Variants in ZNF132 observed in about 807,000 individuals in gnomAD.
The protein encoded by ZNF132 is zinc finger protein 132 (clone pHZ-12).
In ZNF132, 6 loss-of-function variants were observed where a neutral mutation model predicts 9.3. The ratio of observed to expected loss-of-function variants is 0.65; its 90% CI spans 0.35 to 1.28. The LOEUF (loss-of-function observed/expected upper bound fraction) is 1.28, where lower values mean the gene tolerates loss of function less well. Among genes scored for constraint, ZNF132 ranks in the 50% most tolerant of loss-of-function variants. ZNF132 has a pLI of 0.03. For synonymous variants in ZNF132, 296 were observed against 292.0 expected (o/e 1.01, Z -0.14); for missense variants, 877 against 843.2 (o/e 1.04, Z -0.50).
At chr19:58,437,731 A>G in intron 1 of ZNF132, 3 of 985,400 alleles carry the variant, frequency 3.0e-6, no homozygotes, top group Non-Finnish European at 3.6e-6. Context: ...CATACCTGAC[A>G]GATGCAACCG....
intron 2 of ZNF132, 85 bp downstream of exon 2, chr19:58,436,962 T>C (rs1299408873): frequency 1.9e-6 from 3 of 1,588,512 alleles, no homozygotes; most frequent in East Asian, 4.5e-5. Flanking sequence ...GTACCCATGA[T>C]CTGGCTTTGG....
rs1277514107 is a variant in ZNF132, at chr19:58,439,936, G to T, written c.-115C>A. ...TGCAAAATGCGCGCAAGGCCTCTGG[G>T]CACCGCAGGGACGAAGGCTGGGTAT... On this transcript the variant is annotated 5_prime_UTR_variant, in exon 1 of 3. An upstream open reading frame in the 5' UTR gains an earlier in-frame stop. Transcript: ENST00000254166. The T allele has an allele frequency of 3.7e-6, 4 of 1,095,440 alleles. No individual in the cohort carries two copies. Among genetic ancestry groups the T allele is most frequent in the Non-Finnish European group, 3.9e-6 (3 of 765,830 alleles). 67.9% of individuals were successfully genotyped at this position (1,095,440 alleles called of 1,614,324 possible).
rs2052755679 is a variant in ZNF132, at chr19:58,433,686, G to A, written c.1758C>T (p.Leu586=). ...CAGTATGAACTTTCTGATGCTTAAT[G>A]AGAATGGAGTTTTGGCTAAAGAATT... The part of the protein sequence containing the change: ...CGKFFSQNSI[L]IKHQKVHTGE... Residue 586 remains leucine (L), a synonymous_variant, in exon 3 of 3, where the codon CTC becomes CTT. Transcript: ENST00000254166. 1 of 1,610,186 alleles carries A rather than the reference G, an allele frequency of 6.2e-7. No individual in the cohort carries two copies. Among genetic ancestry groups the A allele is most frequent in the Non-Finnish European group, 8.5e-7 (1 of 1,176,514 alleles).
At position 58,432,984 on chromosome 19, in the gene ZNF132, G is replaced by T; in HGVS notation, c.*339C>A. 5.3e-6 allele frequency: 1 copy of T among 190,244 alleles called. No homozygotes were observed. The allele number at this position is 190,244 out of a possible 1,614,324, so 11.8% of individuals were successfully genotyped here. On this transcript the variant is annotated 3_prime_UTR_variant, in exon 3 of 3. Transcript: ENST00000254166. ...TGAGCTCAAATTAGATTTCCCTCAA[G>T]GCCCCTCAACCAGCATCGGTTCAGC...
In ZNF132 at chr19:58,435,080, A is replaced by G. The variant is rs778861646; in HGVS notation, c.364T>C (p.Phe122Leu). The G allele has an allele frequency of 4.3e-6, 7 of 1,614,012 alleles. No homozygotes were observed. The highest frequency in any genetic ancestry group is 5.1e-6 in the Non-Finnish European group (6 of 1,180,030). The stretch of plus-strand genomic sequence containing the variant: ...GCCAGGTGCAAAATGTCTTTCAAGA[A>G]TGGCCCACACATGTCACAGGAGTTA... ...KANSCDMCGPFLKDILHLAEH... is the reference protein window; with the variant it reads ...KANSCDMCGPLLKDILHLAEH... The change falls in exon 3 of 3, where the codon TTC becomes CTC. Residue 122 changes from phenylalanine (F) to leucine (L), a missense_variant. Phe to Leu is a conservative substitution (Grantham distance 22). Transcript: ENST00000254166.
rs1248313187 is a variant in ZNF132, at chr19:58,436,573, CAGG to C, written c.232+471_232+473del. 2.1e-5 allele frequency among the ~76,000 whole-genome samples: 3 copies of C among 142,012 alleles called. No individual in the cohort carries two copies. The Admixed American group carries it at 2.4e-4, about 11-fold the overall frequency. The allele number at this position is 142,012 out of a possible 152,430, so 93.2% of individuals were successfully genotyped here. On this transcript the variant is annotated intron_variant, in intron 2 of 2. Coordinates refer to ENST00000254166, the MANE Select transcript of ZNF132 (RefSeq NM_003433.4). Reference sequence around the variant, plus strand: ...GTCCCAGCTACTTGGGAGGCTGAGGCAGGAGAATGGCGTGAACCTGGGAGGCAG... The same window carrying C: ...GTCCCAGCTACTTGGGAGGCTGAGGCAGAATGGCGTGAACCTGGGAGGCAG...
In ZNF132 at chr19:58,433,799, C is replaced by T. The variant is rs980444051; in HGVS notation, c.1645G>A (p.Gly549Arg). The T allele has an allele frequency of 2.7e-5, 43 of 1,614,076 alleles. No individual in the cohort carries two copies. The highest frequency in any genetic ancestry group is 3.6e-5 in the Non-Finnish European group (42 of 1,180,042). ...GTGGAGCTGTGAGCAAAGGCTTTCC[C>T]ACACTCACTACACTCGTAAGGCTTT... ...GEKPYECSEC[G>R]KAFAHSSTLI... is the part of the protein sequence containing the mutation. The change falls in exon 3 of 3, where the codon GGG becomes AGG. Residue 549 changes from glycine to arginine, a missense_variant. By Grantham distance (125) the Gly-to-Arg change is moderately radical. Coordinates refer to ENST00000254166, the MANE Select transcript of ZNF132 (RefSeq NM_003433.4).
At chr19:58,438,647 G>A (rs2052785849) in intron 1 of ZNF132, among the ~76,000 whole-genome samples, 2 of 151,636 alleles carry the variant, frequency 1.3e-5, no homozygotes, top group South Asian at 4.2e-4. Context: ...CTAATTTTTT[G>A]TATTTTTAGT....
chr19:58,433,000 T>G lies in ZNF132; in HGVS notation c.*323A>C. 5 of 327,560 alleles carry G rather than the reference T, an allele frequency of 1.5e-5. No homozygotes were observed. Among genetic ancestry groups the G allele is most frequent in the South Asian group, 6.7e-5 (1 of 14,930 alleles). The allele number at this position is 327,560 out of a possible 1,614,324, so 20.3% of individuals were successfully genotyped here. On this transcript the variant is annotated 3_prime_UTR_variant, in exon 3 of 3. Transcript: ENST00000254166. ...TTCCCTCAAGGCCCCTCAACCAGCA[T>G]CGGTTCAGCTGAGCACAGTCCTGAA...
chr19:58,435,186 CT>C lies in ZNF132; in HGVS notation c.257del (p.Glu86GlyfsTer11). ...SLGSWHGVEG[E>X]GAHPKQNVSV... The stretch of plus-strand genomic sequence containing the variant: ...AAACATTCTGCTTGGGATGGGCCCC[CT>C]CACCCTCTACTCCATGCCAAGAACC... On this transcript the variant is annotated frameshift_variant, in exon 3 of 3. Coordinates refer to ENST00000254166, the MANE Select transcript of ZNF132 (RefSeq NM_003433.4). LOFTEE classifies it low-confidence loss of function (END_TRUNC). 1 of 1,613,572 alleles carries C rather than the reference CT, an allele frequency of 6.2e-7. No homozygotes were observed. Among genetic ancestry groups the C allele is most frequent in the Non-Finnish European group, 8.5e-7 (1 of 1,179,708 alleles).
Position 58,433,689 on chromosome 19 carries a change from A to G in ZNF132, c.1755T>C (p.Ile585=). The G allele has an allele frequency of 1.2e-6, 2 of 1,609,978 alleles. No homozygotes were observed. Among genetic ancestry groups the G allele is most frequent in the Non-Finnish European group, 1.7e-6 (2 of 1,176,434 alleles). Residue 585 remains isoleucine (I), a synonymous_variant, in exon 3 of 3, where the codon ATT becomes ATC. Transcript: ENST00000254166. ...ECGKFFSQNS[I]LIKHQKVHTG... is the part of the protein sequence containing the mutation. ...TATGAACTTTCTGATGCTTAATGAG[A>G]ATGGAGTTTTGGCTAAAGAATTTCC... is the stretch of plus-strand genomic sequence containing the variant.
Position 58,432,992 on chromosome 19 carries a change from A to G in ZNF132, c.*331T>C. 4.9e-6 allele frequency: 1 copy of G among 202,096 alleles called. No individual in the cohort carries two copies. Among genetic ancestry groups the G allele is most frequent in the Non-Finnish European group, 9.9e-6 (1 of 101,142 alleles). 12.5% of individuals were successfully genotyped at this position (202,096 alleles called of 1,614,324 possible). ...AATTAGATTTCCCTCAAGGCCCCTC[A>G]ACCAGCATCGGTTCAGCTGAGCACA... On this transcript the variant is annotated 3_prime_UTR_variant, in exon 3 of 3. Coordinates refer to ENST00000254166, the MANE Select transcript of ZNF132 (RefSeq NM_003433.4).
At position 58,434,190 on chromosome 19, in the gene ZNF132, G is replaced by C; in HGVS notation, c.1254C>G (p.Leu418=). 6.2e-7 allele frequency: 1 copy of C among 1,614,204 alleles called. No homozygotes were observed. The highest frequency in any genetic ancestry group is 8.5e-7 in the Non-Finnish European group (1 of 1,180,038). The change falls in exon 3 of 3, where the codon CTC becomes CTG. Residue 418 remains leucine (L), a synonymous_variant. Transcript: ENST00000254166. The part of the protein sequence containing the change: ...CGKSFSRSSA[L]IQHWRVHTGE... The stretch of plus-strand genomic sequence containing the variant: ...CAGTGTGAACTCTCCAGTGCTGAAT[G>C]AGAGCAGAGCTTCGGCTGAAGGATT...
chr19:58,433,791 G>T lies in ZNF132; in HGVS notation c.1653C>A (p.Ala551=). The T allele has an allele frequency of 6.2e-7, 1 of 1,614,202 alleles. No individual in the cohort carries two copies. The highest frequency in any genetic ancestry group is 1.1e-5 in the South Asian group (1 of 91,084). The change falls in exon 3 of 3, where the codon GCC becomes GCA. Residue 551 remains alanine (A), a synonymous_variant. Coordinates refer to ENST00000254166, the MANE Select transcript of ZNF132 (RefSeq NM_003433.4). ...CAATGAGAGTGGAGCTGTGAGCAAAGGCTTTCCCACACTCACTACACTCGT... is the reference window on the plus strand; with the variant it reads ...CAATGAGAGTGGAGCTGTGAGCAAATGCTTTCCCACACTCACTACACTCGT... ...KPYECSECGK[A]FAHSSTLIEH...
chr19:58,433,220 T>G lies in ZNF132; in HGVS notation c.*103A>C, dbSNP rs1599964084. The G allele has an allele frequency of 1.6e-6, 2 of 1,251,036 alleles. No homozygotes were observed. Among genetic ancestry groups the G allele is most frequent in the East Asian group, 2.3e-5 (1 of 42,856 alleles). 77.5% of individuals were successfully genotyped at this position (1,251,036 alleles called of 1,614,324 possible). The stretch of plus-strand genomic sequence containing the variant: ...AGTAGCTTCTGAAGGCTTTTCCACA[T>G]TAGCAGTACATGTAGGTAATTTTTC... On this transcript the variant is annotated 3_prime_UTR_variant, in exon 3 of 3. Transcript: ENST00000254166.
Position 58,434,216 on chromosome 19 carries a change from T to C in ZNF132, c.1228A>G (p.Lys410Glu), listed in dbSNP as rs1049697276. The C allele has an allele frequency of 6.2e-7, 1 of 1,614,198 alleles. No homozygotes were observed. Among genetic ancestry groups the C allele is most frequent in the East Asian group, 2.2e-5 (1 of 44,888 alleles). ...VRPYECSQCG[K>E]SFSRSSALIQ... Reference sequence around the variant, plus strand: ...AGAGCAGAGCTTCGGCTGAAGGATTTACCACATTGACTGCACTCATAAGGT... The same window carrying C: ...AGAGCAGAGCTTCGGCTGAAGGATTCACCACATTGACTGCACTCATAAGGT... Residue 410 changes from lysine (K) to glutamate (E), a missense_variant, in exon 3 of 3, where the codon AAA becomes GAA. Physicochemically the swap from Lys to Glu is moderately conservative, Grantham distance 56 (BLOSUM62 1). Transcript: ENST00000254166.
At chr19:58,436,849 TA>T (rs1396647184) in intron 2 of ZNF132, 197 bp downstream of exon 2, 3 of 768,524 alleles carry the variant, frequency 3.9e-6, no homozygotes, top group African/African-American at 3.4e-5. Flanking sequence ...GGGCAACAGC[TA>T]TTAGGAAAGC....
intron 1 of ZNF132, among the ~76,000 whole-genome samples, chr19:58,439,160 A>G (rs1442260180): frequency 6.6e-6 from 1 of 152,136 alleles, no homozygotes; most frequent in African/African-American, 2.4e-5. Context: ...GAAGCCAACC[A>G]TCTGTCCTAC....
At chr19:58,436,667 C>CAAAAA (rs56078209) in intron 2 of ZNF132, among the ~76,000 whole-genome samples, 7 of 65,538 alleles carry the variant, frequency 1.1e-4, no homozygotes, top group East Asian at 6.2e-4. Flanking sequence ...GACTCCATCT[C>CAAAAA]AAAAAAAAAA....
Sources: gnomAD v4.1 joint callset for allele counts (sites outside exome capture counted in the v4.1 genomes callset) on GRCh38, gnomAD v4.1.1 for gene constraint, MANE v1.5 for transcripts, NCBI Gene and HGNC (gene_info 2026-07-23, HGNC 2026-07-21) for gene names.